SLAMF6: variants seen among roughly 807,000 people sequenced by gnomAD.
SLAMF6 encodes the protein NK-T-B-antigen.
A neutral mutation model predicts 38.3 loss-of-function variants in SLAMF6; 21 were observed. The observed-to-expected ratio is 0.55, with a 90% CI of 0.39 to 0.79. The LOEUF (loss-of-function observed/expected upper bound fraction) is 0.79, where lower values mean the gene tolerates loss of function less well. Among genes scored for constraint, SLAMF6 ranks in the 30% least tolerant of loss-of-function variants. The pLI, the probability that SLAMF6 is intolerant of heterozygous loss-of-function variation, is 0.00. For synonymous variants in SLAMF6, 152 were observed against 146.3 expected (o/e 1.04, Z -0.28); for missense variants, 341 against 385.3 (o/e 0.89, Z 0.96).
intron 2 of SLAMF6, among the ~76,000 whole-genome samples, chr1:160,492,016 G>A (rs1454521035): frequency 6.6e-6 from 1 of 152,192 alleles, no homozygotes. Context: ...GAAGGAAGAA[G>A]TGAATAAGGT....
At position 160,489,089 on chromosome 1, in the gene SLAMF6, C is replaced by T. The variant is rs779881213; in HGVS notation, c.878G>A (p.Arg293Lys). The T allele has an allele frequency of 1.2e-6, 2 of 1,612,844 alleles. No individual in the cohort carries two copies. The highest frequency in any genetic ancestry group is 2.2e-5 in the South Asian group (2 of 91,028). Reference sequence around the variant, plus strand: ...GCATATAAAGCTGAAAAGACTCACCCTGTTTGAATGAGTGACTGAAGCATA... The same window carrying T: ...GCATATAAAGCTGAAAAGACTCACCTTGTTTGAATGAGTGACTGAAGCATA... ...TVYASVTHSNRETEIWTPREN... is the reference protein window; with the variant it reads ...TVYASVTHSNKETEIWTPREN... Residue 293 changes from arginine to lysine, a missense_variant and splice_region_variant, in exon 6 of 8, where the codon AGG becomes AAG. Arg to Lys is a conservative substitution (Grantham distance 26, BLOSUM62 2). Coordinates refer to ENST00000368057, the MANE Select transcript of SLAMF6 (RefSeq NM_001184714.2).
intron 7 of SLAMF6, 34 bp from the exon 8 acceptor site, chr1:160,486,788 T>TTGGAAC (rs1469307688): frequency 3.1e-6 from 5 of 1,613,198 alleles, no homozygotes; most frequent in African/African-American, 1.3e-5. Context: ...GGTAGGTTAA[T>TTGGAAC]TGGAACTGGA....
At chr1:160,490,175 G>A in intron 5 of SLAMF6, 23 bp downstream of exon 5, 2 of 1,613,046 alleles carry the variant, frequency 1.2e-6, no homozygotes, top group Non-Finnish European at 8.5e-7. Context: ...TTATGATGGA[G>A]AGTTAAGAGT....
chr1:160,501,902 T>A (rs1653919409), intron 1 of SLAMF6, among the ~76,000 whole-genome samples: 1 of 151,928 alleles, frequency 6.6e-6, no homozygotes, highest in African/African-American at 2.4e-5. Flanking sequence ...ACAGGATGGA[T>A]GAGATGGTAG....
intron 1 of SLAMF6, among the ~76,000 whole-genome samples, chr1:160,512,562 C>A (rs146964277): frequency 1.1e-3 from 166 of 152,294 alleles, no homozygotes; most frequent in African/African-American, 3.9e-3. Context: ...CTGGGTGAGA[C>A]TCCCCAGCAG....
Position 160,495,494 on chromosome 1 carries a change from C to A in SLAMF6, c.382+567G>T, listed in dbSNP as rs576510050. Among the ~76,000 whole-genome samples the A allele has an allele frequency of 2.6e-5, 4 of 152,250 alleles. No homozygotes were observed. In the South Asian group the frequency reaches 6.2e-4, roughly 24 times the overall value. On this transcript the variant is annotated intron_variant, in intron 2 of 7. Transcript: ENST00000368057. ...GAAAATATTGTTAAAAATTAAATAA[C>A]CTTGACAGAAAGGATGTTTCTCATT... is the stretch of plus-strand genomic sequence containing the variant.
At chr1:160,500,039 G>A (rs973641048) in intron 1 of SLAMF6, among the ~76,000 whole-genome samples, 1 of 152,210 alleles carries the variant, frequency 6.6e-6, no homozygotes, top group African/African-American at 2.4e-5. Flanking sequence ...TATGCTGTCA[G>A]AAGTCAAGAG....
At chr1:160,489,194 C>A in intron 5 of SLAMF6, 24 bp from the exon 6 acceptor site, 2 of 1,613,350 alleles carry the variant, frequency 1.2e-6, no homozygotes, top group South Asian at 2.2e-5. Flanking sequence ...AAGGCACAGT[C>A]AATGGCACAA....
chr1:160,519,822 T>A (rs1358398854), intron 1 of SLAMF6, among the ~76,000 whole-genome samples: 1 of 152,040 alleles, frequency 6.6e-6, no homozygotes, highest in Non-Finnish European at 1.5e-5. Flanking sequence ...GACTGCTTAG[T>A]GGGTACAGGG....
chr1:160,516,673 T>A (rs1420001273), intron 1 of SLAMF6, among the ~76,000 whole-genome samples: 1 of 151,980 alleles, frequency 6.6e-6, no homozygotes, highest in Non-Finnish European at 1.5e-5. Context: ...CATAGACCAA[T>A]GGAACAGAAT....
At chr1:160,501,596 T>A (rs1461071524) in intron 1 of SLAMF6, among the ~76,000 whole-genome samples, 2 of 152,066 alleles carry the variant, frequency 1.3e-5, no homozygotes, top group African/African-American at 4.8e-5. Flanking sequence ...TTGGGAGTTG[T>A]CAGGGAACAG....
intron 1 of SLAMF6, among the ~76,000 whole-genome samples, chr1:160,501,100 GTTTA>G (rs1317859723): frequency 6.6e-6 from 1 of 152,172 alleles, no homozygotes; most frequent in Non-Finnish European, 1.5e-5. Flanking sequence ...TTGTTTGTTT[GTTTA>G]TTCATTCTGG....
At chr1:160,523,074 T>C (rs2102078255) in intron 1 of SLAMF6, 70 bp downstream of exon 1, 1 of 1,545,418 alleles carries the variant, frequency 6.5e-7, no homozygotes, top group East Asian at 2.3e-5. Flanking sequence ...ATACAGACGA[T>C]TTAGGTTGAG....
intron 1 of SLAMF6, among the ~76,000 whole-genome samples, chr1:160,517,349 A>G (rs1290313008): frequency 6.6e-6 from 1 of 152,192 alleles, no homozygotes; most frequent in Non-Finnish European, 1.5e-5. Flanking sequence ...GAAAAAGTCA[A>G]GAAACAACAG....
At chr1:160,521,589 C>T (rs1351702819) in intron 1 of SLAMF6, among the ~76,000 whole-genome samples, 1 of 151,916 alleles carries the variant, frequency 6.6e-6, no homozygotes, top group Non-Finnish European at 1.5e-5. Context: ...TATATATTTC[C>T]CAAAGTTCTG....
chr1:160,504,583 G>A (rs1223639185), intron 1 of SLAMF6, among the ~76,000 whole-genome samples: 1 of 152,104 alleles, frequency 6.6e-6, no homozygotes, highest in African/African-American at 2.4e-5. Context: ...TCAACTATCT[G>A]GATGCTCCCT....
chr1:160,514,114 A>C (rs553638451), intron 1 of SLAMF6, among the ~76,000 whole-genome samples: 21 of 152,330 alleles, frequency 1.4e-4, no homozygotes, highest in Non-Finnish European at 2.9e-4. Flanking sequence ...TGCTGTATTC[A>C]AGAGACTCAT....
intron 5 of SLAMF6, 87 bp from the exon 6 acceptor site, chr1:160,489,257 C>T: frequency 7.7e-7 from 1 of 1,295,466 alleles, no homozygotes; most frequent in Non-Finnish European, 1.1e-6. Context: ...CACACTGTGT[C>T]CCCAGATAGG....
At chr1:160,515,605 A>T (rs1230618556) in intron 1 of SLAMF6, among the ~76,000 whole-genome samples, 1 of 152,224 alleles carries the variant, frequency 6.6e-6, no homozygotes, top group African/African-American at 2.4e-5. Context: ...AAAAATTCTC[A>T]ATAAAATACT....
Sources: allele counts gnomAD v4.1 joint callset (sites outside exome capture counted in the v4.1 genomes callset), GRCh38; gene constraint gnomAD v4.1.1; transcripts MANE v1.5; gene names NCBI Gene and HGNC (gene_info 2026-07-23, HGNC 2026-07-21).